AMER1: variants seen among roughly 807,000 people sequenced by gnomAD.
The protein encoded by AMER1 is RP11-403E24.2.
Under a neutral mutation model 53.0 loss-of-function variants are expected in AMER1, and 16 were observed. That is an observed-to-expected ratio of 0.30 (90% CI 0.20 to 0.46). The LOEUF is 0.46. Ranked by LOEUF, AMER1 falls within the 20% of genes least tolerant of loss-of-function variation. The probability of loss-of-function intolerance (pLI) is 1.00; values close to 1 mark genes in which losing one functional copy is unlikely to be tolerated. For synonymous variants in AMER1, 354 were observed against 331.9 expected (o/e 1.07, Z -0.73); for missense variants, 947 against 884.9 (o/e 1.07, Z -0.89).
At chrX:64,196,104 T>C (rs753279170) in intron 1 of AMER1, among the ~76,000 whole-genome samples, 1 of 112,156 alleles carries the variant, frequency 8.9e-6, no homozygotes, top group East Asian at 2.8e-4. Context: ...TTGCCCTTGC[T>C]CCTATGCTCT....
Position 64,192,903 on chromosome X carries a change from G to T in AMER1, c.384C>A (p.Pro128=). Reference sequence around the variant, plus strand: ...AAGCCCCATGGGCACTCTGAGAGCTGGGAAATTGGCAGGGTAACTCAGGCA... The same window carrying T: ...AAGCCCCATGGGCACTCTGAGAGCTTGGAAATTGGCAGGGTAACTCAGGCA... The part of the protein sequence containing the change: ...LPLPELPCQF[P]SSQSAHGALE... Residue 128 remains proline, a synonymous_variant, in exon 2 of 2, where the codon CCC becomes CCA. Transcript: ENST00000374869. 8.3e-7 allele frequency: 1 copy of T among 1,211,987 alleles called. No individual in the cohort carries two copies. The highest frequency in any genetic ancestry group is 1.1e-6 in the Non-Finnish European group (1 of 895,578).
rs1473620550 is a variant in AMER1, at chrX:64,190,962, C to A, written c.2325G>T (p.Glu775Asp). Residue 775 changes from glutamate (E) to aspartate (D), a missense_variant, in exon 2 of 2, where the codon GAG becomes GAT. Glu to Asp is a conservative substitution (Grantham distance 45, BLOSUM62 2). Coordinates refer to ENST00000374869, the MANE Select transcript of AMER1 (RefSeq NM_152424.4). ...ATVSFSQALV[E>D]FTSNGNLFSS... is the part of the protein sequence containing the mutation. ...AAAAGAGGTTCCCATTGCTGGTGAA[C>A]TCTACCAGGGCCTGTGAGAAACTCA... 2 of 1,211,526 alleles carry A rather than the reference C, an allele frequency of 1.7e-6. No homozygotes were observed. The highest frequency in any genetic ancestry group is 5.9e-5 in the East Asian group (2 of 33,800).
intron 1 of AMER1, among the ~76,000 whole-genome samples, chrX:64,200,880 A>T (rs1930473267): frequency 9.0e-6 from 1 of 111,556 alleles, no homozygotes; most frequent in South Asian, 3.8e-4. Context: ...GGGGGGCCAG[A>T]ACTGGTCATG....
At position 64,191,641 on chromosome X, in the gene AMER1, C is replaced by T. The variant is rs937173075; in HGVS notation, c.1646G>A (p.Arg549Gln). 1.2e-5 allele frequency: 15 copies of T among 1,210,773 alleles called. No individual in the cohort carries two copies. The highest frequency in any genetic ancestry group is 4.6e-4 in the Middle Eastern group (2 of 4,376). Residue 549 changes from arginine to glutamine, a missense_variant, in exon 2 of 2, where the codon CGG becomes CAG. By Grantham distance (43) the Arg-to-Gln change is conservative (BLOSUM62 1). Transcript: ENST00000374869. ...CTCTGTCTCCATTGCCCCAGGTGGC[C>T]GGGAGGACAAAAAGGGCTCAAAGTT... ...FLNFEPFLSS[R>Q]PPGAMETEEE...
At chrX:64,204,038 G>T (rs745443252) in intron 1 of AMER1, among the ~76,000 whole-genome samples, 12 of 112,181 alleles carry the variant, frequency 1.1e-4, no homozygotes, top group African/African-American at 2.3e-4. Flanking sequence ...CACACCAGAG[G>T]TTAATCAAAG....
chrX:64,187,261 A>C lies in AMER1; in HGVS notation c.*2618T>G. 1 of 787,968 alleles carries C rather than the reference A, an allele frequency of 1.3e-6. No individual in the cohort carries two copies. The highest frequency in any genetic ancestry group is 1.5e-6 in the Non-Finnish European group (1 of 659,627). 64.9% of individuals were successfully genotyped at this position (787,968 alleles called of 1,213,427 possible). ...ACAAACTGCTTAGCTCTAGAAATTC[A>C]AAGGAACCTGCTTCTGCAGCCACAT... On this transcript the variant is annotated 3_prime_UTR_variant, in exon 2 of 2. Transcript: ENST00000374869.
intron 1 of AMER1, among the ~76,000 whole-genome samples, chrX:64,203,653 G>A (rs1930537299): frequency 9.0e-6 from 1 of 111,730 alleles, no homozygotes; most frequent in Non-Finnish European, 1.9e-5. Context: ...CAAGAGCCAG[G>A]CAGAAAGGCA....
chrX:64,201,784 AGTT>A (rs1480252277), intron 1 of AMER1, among the ~76,000 whole-genome samples: 1 of 111,937 alleles, frequency 8.9e-6, no homozygotes, highest in Non-Finnish European at 1.9e-5. Flanking sequence ...AGTGGAGCAG[AGTT>A]GTTTCTTCCA....
At chrX:64,193,517 T>C in intron 1 of AMER1, 133 bp from the exon 2 acceptor site, 1 of 477,746 alleles carries the variant, frequency 2.1e-6, no homozygotes, top group Non-Finnish European at 3.5e-6. Flanking sequence ...GGGGCAAATC[T>C]TAATCCACTC....
At position 64,190,644 on chromosome X, in the gene AMER1, T is replaced by C. The variant is rs2147085628; in HGVS notation, c.2643A>G (p.Arg881=). ...RYLGLPGLHP[R]PPPAAMALNR... is the part of the protein sequence containing the mutation. The stretch of plus-strand genomic sequence containing the variant: ...TGAGGGCCATAGCAGCAGGTGGAGG[T>C]CGAGGGTGCAGGCCAGGCAGTCCCA... Residue 881 remains arginine, a synonymous_variant, in exon 2 of 2, where the codon CGA becomes CGG. Transcript: ENST00000374869. The C allele has an allele frequency of 8.3e-7, 1 of 1,210,463 alleles. No homozygotes were observed. Among genetic ancestry groups the C allele is most frequent in the South Asian group, 1.8e-5 (1 of 56,851 alleles).
At chrX:64,200,221 A>T (rs1478007694) in intron 1 of AMER1, among the ~76,000 whole-genome samples, 1 of 112,757 alleles carries the variant, frequency 8.9e-6, no homozygotes, top group Non-Finnish European at 1.9e-5. Context: ...GAGCGAGATC[A>T]GACAGGTGCC....
intron 1 of AMER1, among the ~76,000 whole-genome samples, chrX:64,196,690 G>A (rs747637080): frequency 3.6e-5 from 4 of 112,013 alleles, no homozygotes; most frequent in South Asian, 3.7e-4. Context: ...GATGAATTAC[G>A]CAGGGTGTCC....
intron 1 of AMER1, among the ~76,000 whole-genome samples, 190 bp downstream of exon 1, chrX:64,205,380 C>A (rs1930579069): frequency 9.7e-6 from 1 of 102,922 alleles, no homozygotes; most frequent in Admixed American, 1.0e-4. Context: ...CGCTTGTGCC[C>A]AGGGGACTCA....
At chrX:64,197,675 C>A (rs1930402581) in intron 1 of AMER1, among the ~76,000 whole-genome samples, 1 of 112,500 alleles carries the variant, frequency 8.9e-6, no homozygotes, top group South Asian at 3.7e-4. Flanking sequence ...TTCAGGCCCA[C>A]CTGCCCTTCT....
chrX:64,195,968 C>T (rs1401575257), intron 1 of AMER1, among the ~76,000 whole-genome samples: 1 of 112,597 alleles, frequency 8.9e-6, no homozygotes, highest in Non-Finnish European at 1.9e-5. Flanking sequence ...CAAAGGCTGA[C>T]TTGTCCTGCT....
chrX:64,190,088 A>C lies in AMER1; in HGVS notation c.3199T>G (p.Phe1067Val). 1 of 1,204,956 alleles carries C rather than the reference A, an allele frequency of 8.3e-7. No individual in the cohort carries two copies. Among genetic ancestry groups the C allele is most frequent in the Non-Finnish European group, 1.1e-6 (1 of 891,776 alleles). Residue 1067 changes from phenylalanine to valine, a missense_variant, in exon 2 of 2, where the codon TTC becomes GTC. Phe to Val is a conservative substitution (Grantham distance 50). Transcript: ENST00000374869. ...EPSCSSSSGG[F>V]SPSPLPQAKP... ...GCCTGTGGTAGAGGGCTGGGGCTGA[A>C]GCCTCCAGAACTGGAAGAGCAACTG...
intron 1 of AMER1, among the ~76,000 whole-genome samples, chrX:64,198,958 C>A (rs1357028834): frequency 2.7e-5 from 3 of 112,780 alleles, no homozygotes; most frequent in Non-Finnish European, 3.8e-5. Flanking sequence ...CTTGAATGAT[C>A]CATTTTTAAC....
chrX:64,205,346 A>G (rs868245155), intron 1 of AMER1, among the ~76,000 whole-genome samples: 5 of 15,536 alleles, frequency 3.2e-4, no homozygotes, highest in Non-Finnish European at 6.5e-4. Flanking sequence ...CGCCCTCCCC[A>G]ACCCCCCTCC....
chrX:64,205,254 G>A (rs372183845), intron 1 of AMER1, among the ~76,000 whole-genome samples: 69 of 113,422 alleles, frequency 6.1e-4, no homozygotes, highest in South Asian at 2.9e-3. Flanking sequence ...CCCTTCCCGG[G>A]ACTGTGCGGC....
Sources: gnomAD v4.1 joint callset for allele counts (sites outside exome capture counted in the v4.1 genomes callset) on GRCh38, gnomAD v4.1.1 for gene constraint, MANE v1.5 for transcripts, NCBI Gene and HGNC (gene_info 2026-07-23, HGNC 2026-07-21) for gene names.